Variants in NPEPPS observed in about 807,000 individuals in gnomAD.
The protein encoded by NPEPPS is aminopeptidase puromycin sensitive.
NPEPPS carries 14 observed loss-of-function variants against 115.5 expected under a neutral mutation model. The observed-to-expected ratio is 0.12, with a 90% CI of 0.08 to 0.19. The LOEUF (loss-of-function observed/expected upper bound fraction) is 0.19, where lower values mean the gene tolerates loss of function less well. Among genes scored for constraint, NPEPPS ranks in the 10% least tolerant of loss-of-function variants. The pLI, the probability that NPEPPS is intolerant of heterozygous loss-of-function variation, is 1.00. For synonymous variants in NPEPPS, 285 were observed against 390.6 expected, an observed-to-expected ratio of 0.73 and a Z score of 3.19; for missense variants, 523 against 1,110.8, an observed-to-expected ratio of 0.47 and a Z score of 7.52.
intron 5 of NPEPPS, among the ~76,000 whole-genome samples, chr17:47,583,812 C>G (rs1968030598): frequency 6.6e-6 from 1 of 151,552 alleles, no homozygotes; most frequent in Non-Finnish European, 1.5e-5. Context: ...ATCCTAACTA[C>G]TTGGGAGGCT....
intron 1 of NPEPPS, among the ~76,000 whole-genome samples, chr17:47,539,439 A>G (rs1224579237): frequency 6.6e-6 from 1 of 152,162 alleles, no homozygotes; most frequent in Non-Finnish European, 1.5e-5. Flanking sequence ...ATTAGGAAAT[A>G]TTTTAGAAAT....
chr17:47,553,591 G>A (rs1249826400), intron 2 of NPEPPS, among the ~76,000 whole-genome samples: 1 of 152,108 alleles, frequency 6.6e-6, no homozygotes, highest in East Asian at 1.9e-4. Flanking sequence ...ACCACAGATA[G>A]TAGCAAAACT....
chr17:47,616,970 G>A (rs1299529677), intron 19 of NPEPPS, among the ~76,000 whole-genome samples: 17 of 151,854 alleles, frequency 1.1e-4, no homozygotes, highest in Admixed American at 1.1e-3. Context: ...GATCAAAAGA[G>A]TCTAAATTGT....
upstream of NPEPPS, among the ~76,000 whole-genome samples, chr17:47,528,110 TG>T (rs1354884072): frequency 1.3e-5 from 2 of 150,826 alleles, no homozygotes; most frequent in African/African-American, 4.9e-5. Flanking sequence ...GAGACCAGCC[TG>T]GCTAACATGG....
chr17:47,609,564 G>C (rs916697468), intron 17 of NPEPPS, among the ~76,000 whole-genome samples: 1 of 152,132 alleles, frequency 6.6e-6, no homozygotes, highest in African/African-American at 2.4e-5. Context: ...ATCTCTGATG[G>C]TTTTCTTAAA....
chr17:47,539,927 C>T (rs1908630021), intron 1 of NPEPPS, among the ~76,000 whole-genome samples: 1 of 152,084 alleles, frequency 6.6e-6, no homozygotes, highest in South Asian at 2.1e-4. Flanking sequence ...TTCAGACTGG[C>T]ATTTGGAATT....
At chr17:47,587,632 C>T (rs1912270436) in intron 9 of NPEPPS, among the ~76,000 whole-genome samples, 1 of 152,216 alleles carries the variant, frequency 6.6e-6, no homozygotes, top group Non-Finnish European at 1.5e-5. Flanking sequence ...AAACATTCCT[C>T]TTAGGTGTAG....
intron 10 of NPEPPS, chr17:47,591,719 C>G (rs1452945849): frequency 5.1e-6 from 2 of 389,032 alleles, no homozygotes; most frequent in African/African-American, 4.2e-5. Context: ...GGCTTCTTTC[C>G]CAGCAGAACA....
rs57152249 is a variant in NPEPPS, at chr17:47,602,330, T to A, written c.1740+583T>A. Among the ~76,000 whole-genome samples, 320 of 151,782 alleles carry A rather than the reference T, an allele frequency of 2.1e-3. 8 individuals are homozygous for A. The East Asian group carries it at 0.033, about 16-fold the overall frequency. The stretch of plus-strand genomic sequence containing the variant: ...TGTATCAGACATTTGTGCTTTTTTT[T>A]AAAAAAAAGCCCGCCGAACGCTGTG... On this transcript the variant is annotated intron_variant, in intron 15 of 22. Coordinates refer to ENST00000322157, the MANE Select transcript of NPEPPS (RefSeq NM_006310.4).
chr17:47,537,801 G>GT (rs960520548), intron 1 of NPEPPS, among the ~76,000 whole-genome samples: 14 of 148,638 alleles, frequency 9.4e-5, no homozygotes, highest in Admixed American at 4.0e-4. Flanking sequence ...TTGTTTCATT[G>GT]TTTTTTTTAA....
At position 47,612,513 on chromosome 17, in the gene NPEPPS, G is replaced by C; in HGVS notation, c.2149G>C (p.Gly717Arg). 6.2e-7 allele frequency: 1 copy of C among 1,613,920 alleles called. No homozygotes were observed. The highest frequency in any genetic ancestry group is 8.5e-7 in the Non-Finnish European group (1 of 1,179,868). ...GGTTCTGGGAAAACTAGGAAAAGCA[G>C]GACATAAGGCAACGTTAGAAGAAGC... ...GLVLGKLGKA[G>R]HKATLEEARR... The change falls in exon 18 of 23, where the codon GGA (glycine) becomes CGA (arginine). Residue 717 changes from glycine (G) to arginine (R), a missense_variant. Physicochemically the swap from Gly to Arg is moderately radical, Grantham distance 125. This residue lies in a region of NPEPPS where 372 missense variants were observed against 542.6 expected (regional missense o/e 0.69). Coordinates refer to ENST00000322157, the MANE Select transcript of NPEPPS (RefSeq NM_006310.4).
At chr17:47,587,208 T>C in intron 8 of NPEPPS, 22 bp from the exon 9 acceptor site, 1 of 175,926 alleles carries the variant, frequency 5.7e-6, no homozygotes, top group Non-Finnish European at 9.9e-6. Context: ...AATTTGTTTC[T>C]TTTTTTTTTT....
intron 2 of NPEPPS, among the ~76,000 whole-genome samples, chr17:47,550,215 G>C (rs1183919815): frequency 6.6e-6 from 1 of 151,996 alleles, no homozygotes; most frequent in African/African-American, 2.4e-5. Context: ...TTAAAGGTGT[G>C]AGCCACCGTG....
In NPEPPS at chr17:47,586,220, A is replaced by G. The variant is rs762579897; in HGVS notation, c.922A>G (p.Ile308Val). 5.3e-5 allele frequency: 65 copies of G among 1,228,782 alleles called. No homozygotes were observed. Among genetic ancestry groups the G allele is most frequent in the Non-Finnish European group, 6.5e-5 (61 of 936,852 alleles). 76.1% of individuals were successfully genotyped at this position (1,228,782 alleles called of 1,614,324 possible). A position where few individuals can be genotyped will look rare whatever the true frequency, so the allele number is the denominator to read the frequency against. ...VPYPLPKIDL[I>V]AIADFAAGAM... The stretch of plus-strand genomic sequence containing the variant: ...TTATCCTCTACCTAAAATTGATCTC[A>G]TTGCTATTGCAGACTTTGCAGCTGG... The change falls in exon 7 of 23, where the codon ATT becomes GTT. Residue 308 changes from isoleucine (I) to valine (V), a missense_variant. Transcript: ENST00000322157.
chr17:47,612,420 T>C, intron 17 of NPEPPS, 40 bp from the exon 18 acceptor site: 1 of 1,601,628 alleles, frequency 6.2e-7, no homozygotes, highest in Non-Finnish European at 8.5e-7. Context: ...AAAAATAGGC[T>C]TTTTAAGTAG....
intron 2 of NPEPPS, among the ~76,000 whole-genome samples, chr17:47,554,505 G>A (rs1447206190): frequency 6.6e-6 from 1 of 152,082 alleles, no homozygotes; most frequent in Admixed American, 6.6e-5. Flanking sequence ...AGGACTATAG[G>A]TGTGCACCAA....
intron 3 of NPEPPS, among the ~76,000 whole-genome samples, chr17:47,575,307 C>T (rs1357227809): frequency 7.9e-5 from 12 of 152,166 alleles, no homozygotes; most frequent in Middle Eastern, 3.4e-3. Context: ...CTGCACCTTT[C>T]TTCTTTTCCC....
Position 47,613,697 on chromosome 17 carries a change from A to T in NPEPPS, c.2267A>T (p.Asp756Val). The T allele has an allele frequency of 6.2e-7, 1 of 1,611,360 alleles. No homozygotes were observed. The highest frequency in any genetic ancestry group is 8.5e-7 in the Non-Finnish European group (1 of 1,179,090). Residue 756 changes from aspartate to valine, a missense_variant, in exon 19 of 23, where the codon GAT (aspartate) becomes GTT (valine). Asp to Val is a radical substitution (Grantham distance 152). Transcript: ENST00000322157. ...TATCTGACTGTTTTGAAGCATGGTG[A>T]TGGCACTACTTTAGATATTATGTTA... Reference protein sequence around the residue: ...PVYLTVLKHGDGTTLDIMLKL... With the variant: ...PVYLTVLKHGVGTTLDIMLKL...
intron 1 of NPEPPS, among the ~76,000 whole-genome samples, chr17:47,536,432 G>A (rs1165015943): frequency 2.7e-5 from 3 of 110,342 alleles, no homozygotes; most frequent in Non-Finnish European, 1.7e-5. Context: ...CGCTCTTGTT[G>A]CACAGGCTGA....
Sources: gnomAD v4.1 joint callset for allele counts (sites outside exome capture counted in the v4.1 genomes callset) on GRCh38, gnomAD v4.1.1 for gene constraint, gnomAD v4.1.1 regional missense constraint, MANE v1.5 for transcripts, NCBI Gene and HGNC (gene_info 2026-07-23, HGNC 2026-07-21) for gene names.